The following NLGN4X variants were observed in gnomAD, a reference collection of about 807,000 sequenced individuals.
NLGN4X encodes the protein neuroligin-4, X-linked.
Under a neutral mutation model 40.3 loss-of-function variants are expected in NLGN4X, and 3 were observed. The ratio of observed to expected loss-of-function variants is 0.07; its 90% CI spans 0.03 to 0.19. The LOEUF is 0.19. Ranked by LOEUF, NLGN4X falls within the 10% of genes least tolerant of loss-of-function variation. NLGN4X has a pLI of 1.00. For synonymous variants in NLGN4X, 270 were observed against 306.8 expected (o/e 0.88, Z 1.25); for missense variants, 382 against 708.3 (o/e 0.54, Z 5.23).
At chrX:6,173,488 T>A (rs1157345280) in intron 1 of NLGN4X, among the ~76,000 whole-genome samples, 3 of 111,858 alleles carry the variant, frequency 2.7e-5, no homozygotes, top group African/African-American at 9.7e-5. Flanking sequence ...TTCCCCTGCC[T>A]TTCTGTAAAC....
At chrX:6,086,089 T>C (rs1390042943) in intron 2 of NLGN4X, among the ~76,000 whole-genome samples, 1 of 111,962 alleles carries the variant, frequency 8.9e-6, no homozygotes, top group Non-Finnish European at 1.9e-5. Flanking sequence ...TGGATGTAGG[T>C]TATGATTGCA....
chrX:6,118,960 C>G (rs984779405), intron 2 of NLGN4X, among the ~76,000 whole-genome samples: 1 of 111,946 alleles, frequency 8.9e-6, no homozygotes, highest in African/African-American at 3.3e-5. Context: ...TCTTCTCTTA[C>G]TTGCTTCAGA....
chrX:5,911,306 G>A (rs915986026), intron 3 of NLGN4X, among the ~76,000 whole-genome samples: 1 of 112,019 alleles, frequency 8.9e-6, no homozygotes, highest in Non-Finnish European at 1.9e-5. Context: ...CTGTGGAGGA[G>A]TATGAAGATT....
chrX:6,197,890 T>A (rs1298883471), intron 1 of NLGN4X, among the ~76,000 whole-genome samples: 1 of 108,760 alleles, frequency 9.2e-6, no homozygotes, highest in East Asian at 2.9e-4. Flanking sequence ...ATGGCGAAAC[T>A]CTGTCTCTAC....
intron 2 of NLGN4X, among the ~76,000 whole-genome samples, chrX:6,111,224 C>T (rs190871194): frequency 1.3e-3 from 148 of 111,955 alleles, no homozygotes; most frequent in Non-Finnish European, 2.4e-3. Flanking sequence ...ATGGTAGTGT[C>T]CTCCCAAAAT....
At chrX:6,039,042 G>A (rs774084809) in intron 2 of NLGN4X, among the ~76,000 whole-genome samples, 4 of 111,263 alleles carry the variant, frequency 3.6e-5, no homozygotes, top group South Asian at 3.8e-4. Flanking sequence ...TCCACTGACA[G>A]GCAAAAGGTT....
At chrX:6,152,853 T>G (rs1329782295) in intron 1 of NLGN4X, among the ~76,000 whole-genome samples, 1 of 112,569 alleles carries the variant, frequency 8.9e-6, no homozygotes, top group Non-Finnish European at 1.9e-5. Flanking sequence ...TTCAGCCCAT[T>G]TAAAAAGCTG....
chrX:6,146,120 G>T (rs1240731372), intron 2 of NLGN4X, among the ~76,000 whole-genome samples: 1 of 98,423 alleles, frequency 1.0e-5, no homozygotes, highest in East Asian at 3.1e-4. Context: ...GTTTCTAAAA[G>T]GAAAAAAAAA....
At chrX:5,961,892 C>A (rs1287653734) in intron 3 of NLGN4X, among the ~76,000 whole-genome samples, 1 of 112,197 alleles carries the variant, frequency 8.9e-6, no homozygotes, top group Non-Finnish European at 1.9e-5. Context: ...ACCGAGTTTT[C>A]AAGGATGTTC....
chrX:6,001,302 A>G (rs768436660), intron 3 of NLGN4X, among the ~76,000 whole-genome samples: 2 of 112,311 alleles, frequency 1.8e-5, no homozygotes, highest in South Asian at 7.3e-4. Flanking sequence ...AAAAGTGACT[A>G]TGTGAACTGT....
At chrX:5,944,631 G>T (rs1219373085) in intron 3 of NLGN4X, among the ~76,000 whole-genome samples, 1 of 46,977 alleles carries the variant, frequency 2.1e-5, no homozygotes. Context: ...CTGGGCAAAA[G>T]AACCAGAAGA....
chrX:6,021,077 C>CTCTCTCTCTCTCTCTCTCT (rs1569190248), intron 3 of NLGN4X, among the ~76,000 whole-genome samples: 9 of 22,166 alleles, frequency 4.1e-4, no homozygotes, highest in East Asian at 2.4e-3. Context: ...TCCCTCCCTC[C>CTCTCTCTCTCTCTCTCTCT]CTCTCTCTCT....
intron 1 of NLGN4X, among the ~76,000 whole-genome samples, chrX:6,197,142 T>C (rs1923162749): frequency 8.9e-6 from 1 of 112,179 alleles, no homozygotes; most frequent in African/African-American, 3.2e-5. Context: ...GGTTAAAGAA[T>C]AAATTATCTA....
At chrX:6,067,879 G>A (rs1053707040) in intron 2 of NLGN4X, among the ~76,000 whole-genome samples, 2 of 111,379 alleles carry the variant, frequency 1.8e-5, no homozygotes, top group Non-Finnish European at 3.8e-5. Context: ...AAAAGAAGCT[G>A]TCTCTCAACT....
intron 1 of NLGN4X, among the ~76,000 whole-genome samples, chrX:6,215,671 T>C (rs754050781): frequency 9.0e-6 from 1 of 111,629 alleles, no homozygotes; most frequent in Non-Finnish European, 1.9e-5. Flanking sequence ...TCTGTGATTC[T>C]GTTTTCCAAT....
chrX:5,988,151 C>A (rs763622325), intron 3 of NLGN4X, among the ~76,000 whole-genome samples: 1 of 112,047 alleles, frequency 8.9e-6, no homozygotes, highest in African/African-American at 3.2e-5. Context: ...AATGGACACA[C>A]TTCCGTACAG....
intron 1 of NLGN4X, among the ~76,000 whole-genome samples, chrX:6,219,449 CCTTT>C (rs753469975): frequency 9.9e-6 from 1 of 100,810 alleles, no homozygotes; most frequent in East Asian, 3.2e-4. Flanking sequence ...TTCTTTCCTT[CCTTT>C]CTTCTTTCCC....
chrX:6,036,898 CT>C (rs1297219216), intron 2 of NLGN4X, among the ~76,000 whole-genome samples: 3 of 110,957 alleles, frequency 2.7e-5, no homozygotes, highest in African/African-American at 6.5e-5. Flanking sequence ...AATATTCCAG[CT>C]TTTTTTTAGC....
intron 3 of NLGN4X, among the ~76,000 whole-genome samples, chrX:5,977,022 A>G (rs934531433): frequency 1.8e-5 from 2 of 112,492 alleles, no homozygotes; most frequent in African/African-American, 6.5e-5. Flanking sequence ...ACCCTTTTTT[A>G]AATCAATAAT....
Sources: gnomAD v4.1 joint callset for allele counts (sites outside exome capture counted in the v4.1 genomes callset) on GRCh38, gnomAD v4.1.1 for gene constraint, MANE v1.5 for transcripts, NCBI Gene and HGNC (gene_info 2026-07-23, HGNC 2026-07-21) for gene names.